Variants in RCBTB2 observed in about 807,000 individuals in gnomAD.
RCBTB2 encodes the protein RCC1 and BTB domain containing protein 2, also known as RCC1 and BTB domain-containing protein 2.
In RCBTB2, 55 loss-of-function variants were observed where a neutral mutation model predicts 65.4. The ratio of observed to expected loss-of-function variants is 0.84; its 90% CI spans 0.68 to 1.05. The LOEUF is 1.05. RCBTB2 is among the 50% of genes least tolerant of loss of function. The pLI is 0.00. For synonymous variants in RCBTB2, 220 were observed against 255.2 expected (o/e 0.86, Z 1.31); for missense variants, 599 against 680.1 (o/e 0.88, Z 1.33).
At chr13:48,498,085 C>T (rs1593609892) in intron 13 of RCBTB2, among the ~76,000 whole-genome samples, 1 of 152,190 alleles carries the variant, frequency 6.6e-6, no homozygotes, top group African/African-American at 2.4e-5. Context: ...GACCCCACCA[C>T]CAATGTGCAG....
chr13:48,532,896 T>A (rs1318427239), intron 1 of RCBTB2, 132 bp downstream of exon 1: 3 of 439,970 alleles, frequency 6.8e-6, no homozygotes, highest in African/African-American at 6.1e-5. Context: ...CCTGGGCCCC[T>A]CAGCTGTCTC....
chr13:48,502,819 G>T lies in RCBTB2; in HGVS notation c.1022C>A (p.Ser341Tyr), dbSNP rs746907039. The T allele has an allele frequency of 4.3e-6, 7 of 1,614,086 alleles. No individual in the cohort carries two copies. Among genetic ancestry groups the T allele is most frequent in the Non-Finnish European group, 5.1e-6 (6 of 1,180,036 alleles). ...GTGGGTGAGGTGCGGGAGGATCACG[G>T]ACTGACCCCGGCACTGGCCCCACAT... ...VYMWGQCRGQ[S>Y]VILPHLTHFS... The change falls in exon 11 of 15, where the codon TCC becomes TAC. Residue 341 changes from serine to tyrosine, a missense_variant. Ser to Tyr is a moderately radical substitution (Grantham distance 144). Coordinates refer to ENST00000344532, the MANE Select transcript of RCBTB2 (RefSeq NM_001268.4).
At chr13:48,524,161 T>C (rs185472569) in intron 2 of RCBTB2, among the ~76,000 whole-genome samples, 13 of 152,130 alleles carry the variant, frequency 8.5e-5, no homozygotes, top group Admixed American at 7.9e-4. Context: ...TAAAGAAAAC[T>C]ATCATCCCCA....
chr13:48,512,829 C>T lies in RCBTB2; in HGVS notation c.416G>A (p.Gly139Asp), dbSNP rs758401978. The T allele has an allele frequency of 8.7e-6, 14 of 1,613,958 alleles. No homozygotes were observed. Among genetic ancestry groups the T allele is most frequent in the Non-Finnish European group, 1.1e-5 (13 of 1,179,850 alleles). The change falls in exon 7 of 15, where the codon GGT becomes GAT. Residue 139 changes from glycine to aspartate, a missense_variant. By Grantham distance (94) the Gly-to-Asp change is moderately conservative. Transcript: ENST00000344532. ...SQLGNGTTNH[G>D]LVPCHISTNL... ...AGTAGAGATATGACAGGGCACTAAA[C>T]CATGATTAGTTGTCCCATTGCCCAG...
intron 14 of RCBTB2, among the ~76,000 whole-genome samples, chr13:48,494,194 G>C (rs1358675811): frequency 6.6e-6 from 1 of 152,168 alleles, no homozygotes; most frequent in Non-Finnish European, 1.5e-5. Flanking sequence ...ACTGTGCTTA[G>C]AATAATCCCT....
At position 48,497,945 on chromosome 13, in the gene RCBTB2, C is replaced by T. The variant is rs560817038; in HGVS notation, c.1385-1624G>A. ...AAGCCCCAGCTCTGCGCCTCCTCCA[C>T]GCACACCTTCAGCACAGGGTGGCTA... On this transcript the variant is annotated intron_variant, in intron 13 of 14. Coordinates refer to ENST00000344532, the MANE Select transcript of RCBTB2 (RefSeq NM_001268.4). Among the ~76,000 whole-genome samples the T allele has an allele frequency of 2.6e-5, 4 of 152,354 alleles. No homozygotes were observed. In the South Asian group the frequency reaches 6.2e-4, roughly 24 times the overall value.
At chr13:48,519,416 C>T (rs1420928056) in intron 4 of RCBTB2, among the ~76,000 whole-genome samples, 1 of 152,208 alleles carries the variant, frequency 6.6e-6, no homozygotes, top group Non-Finnish European at 1.5e-5. Context: ...TGTCTAGAAT[C>T]AGGCTGTAAA....
chr13:48,505,673 T>C (rs1318008097), intron 10 of RCBTB2, among the ~76,000 whole-genome samples: 2 of 152,202 alleles, frequency 1.3e-5, no homozygotes, highest in African/African-American at 2.4e-5. Context: ...GGCCTGGTGC[T>C]GTGGGCAGGA....
At chr13:48,501,364 A>G (rs1950222901) in intron 12 of RCBTB2, among the ~76,000 whole-genome samples, 1 of 152,180 alleles carries the variant, frequency 6.6e-6, no homozygotes, top group Non-Finnish European at 1.5e-5. Context: ...AGTACGCCAC[A>G]AGTGATTATA....
chr13:48,493,303 A>ACTCTCTCTCT, intron 14 of RCBTB2, among the ~76,000 whole-genome samples: 1 of 67,456 alleles, frequency 1.5e-5, no homozygotes, highest in Non-Finnish European at 3.0e-5. Flanking sequence ...ACACACACAC[A>ACTCTCTCTCT]CACACACACA....
intron 1 of RCBTB2, among the ~76,000 whole-genome samples, chr13:48,527,852 T>C (rs1052052631): frequency 6.6e-6 from 1 of 152,222 alleles, no homozygotes; most frequent in Non-Finnish European, 1.5e-5. Flanking sequence ...ACTCTTTTGA[T>C]AATGTGATAA....
chr13:48,532,137 T>G (rs1248473799), intron 1 of RCBTB2: 2 of 152,260 alleles, frequency 1.3e-5, no homozygotes, highest in Non-Finnish European at 2.9e-5. Context: ...TTTTATGTAA[T>G]TTTTGCAAAG....
At chr13:48,526,770 G>A (rs558728772) in intron 1 of RCBTB2, among the ~76,000 whole-genome samples, 2 of 151,966 alleles carry the variant, frequency 1.3e-5, no homozygotes, top group Non-Finnish European at 2.9e-5. Context: ...ACAAAAATTA[G>A]CCAGGCGTAA....
chr13:48,533,214 C>T, upstream of RCBTB2: 1 of 338,730 alleles, frequency 3.0e-6, no homozygotes. Context: ...CTGGCGACGG[C>T]GTCTCGCCCC....
chr13:48,516,640 T>C (rs1314188951), intron 4 of RCBTB2, among the ~76,000 whole-genome samples: 1 of 152,198 alleles, frequency 6.6e-6, no homozygotes, highest in Non-Finnish European at 1.5e-5. Context: ...TAACCACATC[T>C]GCATTGACCC....
chr13:48,526,297 C>T (rs1472669177), intron 1 of RCBTB2, among the ~76,000 whole-genome samples: 1 of 152,152 alleles, frequency 6.6e-6, no homozygotes, highest in Non-Finnish European at 1.5e-5. Flanking sequence ...CCTGTAATCC[C>T]AGCACTTTGA....
At chr13:48,497,942 C>T (rs1276592281) in intron 13 of RCBTB2, among the ~76,000 whole-genome samples, 2 of 152,240 alleles carry the variant, frequency 1.3e-5, no homozygotes, top group Admixed American at 1.3e-4. Flanking sequence ...TGCGCCTCCT[C>T]CACGCACACC....
intron 1 of RCBTB2, among the ~76,000 whole-genome samples, chr13:48,527,469 C>G (rs1951870738): frequency 6.8e-6 from 1 of 148,116 alleles, no homozygotes; most frequent in Non-Finnish European, 1.5e-5. Flanking sequence ...TAACCTAAAA[C>G]TGTTTTTACA....
At position 48,489,637 on chromosome 13, in the gene RCBTB2, G is replaced by C. The variant is rs1384251394; in HGVS notation, c.*474C>G. The C allele has an allele frequency of 1.3e-5, 2 of 152,840 alleles. No individual in the cohort carries two copies. The highest frequency in any genetic ancestry group is 2.9e-5 in the Non-Finnish European group (2 of 68,526). The allele number at this position is 152,840 out of a possible 1,614,324, so 9.5% of individuals were successfully genotyped here. On this transcript the variant is annotated 3_prime_UTR_variant, in exon 15 of 15. Coordinates refer to ENST00000344532, the MANE Select transcript of RCBTB2 (RefSeq NM_001268.4). ...GTTATTCCTTCTCCCAGTATTCCAT[G>C]ACTAAAGCTGTTCTCAGGACATACT...
Sources: allele counts gnomAD v4.1 joint callset (sites outside exome capture counted in the v4.1 genomes callset), GRCh38; gene constraint gnomAD v4.1.1; transcripts MANE v1.5; gene names NCBI Gene and HGNC (gene_info 2026-07-23, HGNC 2026-07-21).